Variants in PSG9 observed in about 807,000 individuals in gnomAD.
The protein encoded by PSG9 is pregnancy specific beta-1-glycoprotein 9, also known as pregnancy-specific beta-1-glycoprotein 9.
A neutral mutation model predicts 41.9 loss-of-function variants in PSG9; 49 were observed. The observed-to-expected ratio is 1.17, with a 90% CI of 0.93 to 1.48. The LOEUF (loss-of-function observed/expected upper bound fraction) is 1.48, where lower values mean the gene tolerates loss of function less well. PSG9 is among the 40% of genes most tolerant of loss of function. The pLI is 0.00. For missense variants in PSG9, 641 were observed against 520.3 expected (o/e 1.23, Z -2.26); for synonymous variants, 263 against 196.8 (o/e 1.34, Z -2.82).
Position 43,261,981 on chromosome 19 carries a change from G to A in PSG9, c.588C>T (p.Ser196=), listed in dbSNP as rs139088828. 1,155 of 1,614,006 alleles carry A rather than the reference G, an allele frequency of 7.2e-4. 12 individuals are homozygous for A. The highest frequency in any genetic ancestry group is 8.8e-4 in the Non-Finnish European group (1,035 of 1,179,930). Residue 196 remains serine, a synonymous_variant, in exon 3 of 6, where the codon TCC becomes TCT. Transcript: ENST00000270077. ...SLPVTHRLQL[S]KTNRTLYLFG... ...ATAGATAGAGGGTCCTGTTGGTTTT[G>A]GACAGCTGCAACCTGTGAGTCACAG...
intron 2 of PSG9, among the ~76,000 whole-genome samples, chr19:43,263,387 G>A (rs1168916451): frequency 6.6e-6 from 1 of 152,058 alleles, no homozygotes; most frequent in African/African-American, 2.4e-5. Context: ...TACTGGTTTA[G>A]CATCCCAAAT....
At chr19:43,257,865 A>C in intron 5 of PSG9, 1 of 1,380,474 alleles carries the variant, frequency 7.2e-7, no homozygotes, top group Non-Finnish European at 9.3e-7. Context: ...AAGACGTGGC[A>C]GAAGGGGATG....
chr19:43,264,233 G>T lies in PSG9; in HGVS notation c.431-2095C>A, dbSNP rs559987761. Among the ~76,000 whole-genome samples the T allele has an allele frequency of 5.3e-5, 8 of 152,158 alleles. No individual in the cohort carries two copies. In the South Asian group the frequency reaches 1.7e-3, roughly 32 times the overall value. ...GTATTCCCATTATGTGTATGTTACA[G>T]CCTTTGTAGTTGTCCCACAACTACA... On this transcript the variant is annotated intron_variant, in intron 2 of 5. Transcript: ENST00000270077.
At chr19:43,260,252 TCTG>T (rs1449603786) in intron 3 of PSG9, 2 of 124,424 alleles carry the variant, frequency 1.6e-5, no homozygotes, top group African/African-American at 6.7e-5. Context: ...GTTCTAGAGA[TCTG>T]CTGTAGAGCT....
intron 3 of PSG9, among the ~76,000 whole-genome samples, chr19:43,261,501 G>A (rs1968708843): frequency 6.6e-6 from 1 of 152,150 alleles, no homozygotes; most frequent in Admixed American, 6.5e-5. Context: ...TATTGTCAGA[G>A]GGAAGGGAAA....
intron 4 of PSG9, 147 bp downstream of exon 4, chr19:43,258,710 T>C (rs767526142): frequency 5.7e-6 from 8 of 1,403,908 alleles, no homozygotes; most frequent in Non-Finnish European, 7.6e-6. Context: ...CTACCCAGGT[T>C]TTCCCAGGGC....
rs778995499 is a variant in PSG9 at position 43,256,454 on chromosome 19, C to A, written c.1243+1748G>T. ...CAAATTATATGTGTGATAAGAAATT[C>A]ATTTCCAGAATACATGAAAAGCTAC... On this transcript the variant is annotated intron_variant, in intron 5 of 5. Transcript: ENST00000270077. Among the ~76,000 whole-genome samples the A allele has an allele frequency of 1.1e-3, 158 of 146,826 alleles. 17 individuals carry two copies. Among genetic ancestry groups the A allele is most frequent in the Non-Finnish European group, 1.7e-3 (116 of 67,394 alleles).
chr19:43,260,608 T>G (rs1306742335), intron 3 of PSG9: 1 of 146,772 alleles, frequency 6.8e-6, no homozygotes, highest in African/African-American at 2.6e-5. Context: ...AAAGGCTGAT[T>G]GCTATTTTCT....
intron 5 of PSG9, among the ~76,000 whole-genome samples, chr19:43,255,881 T>A (rs1008472876): frequency 2.7e-5 from 4 of 146,626 alleles, no homozygotes; most frequent in Non-Finnish European, 4.5e-5. Context: ...AAAGACATTT[T>A]GTTTTCATGA....
In PSG9 at chr19:43,269,380, G is replaced by C. The variant is rs8101191; in HGVS notation, c.52C>G (p.Leu18Val). Residue 18 changes from leucine to valine, a missense_variant, in exon 1 of 6, where the codon CTC becomes GTC. By Grantham distance (32) the Leu-to-Val change is conservative. Coordinates refer to ENST00000270077, the MANE Select transcript of PSG9 (RefSeq NM_002784.5). ...GTTCTCTCCTCACCTGTGAGCAGGAGCCCCTTCCAGGTGATGCGCTGTGTG... is the reference window on the plus strand; with the variant it reads ...GTTCTCTCCTCACCTGTGAGCAGGACCCCCTTCCAGGTGATGCGCTGTGTG... ...SCTQRITWKG[L>V]LLTASLLNFW... 133,123 of 1,612,818 alleles carry C rather than the reference G, an allele frequency of 0.083. 9,283 individuals carry two copies. Among genetic ancestry groups the C allele is most frequent in the East Asian group, 0.39 (17,502 of 44,774 alleles).
chr19:43,264,203 C>T (rs1968858873), intron 2 of PSG9, among the ~76,000 whole-genome samples: 1 of 152,036 alleles, frequency 6.6e-6, no homozygotes, highest in Non-Finnish European at 1.5e-5. Flanking sequence ...CCCCAAAAAC[C>T]ACCAGTATTC....
At chr19:43,262,165 C>T (rs1968754840) in intron 2 of PSG9, 27 bp from the exon 3 acceptor site, 19 of 1,601,356 alleles carry the variant, frequency 1.2e-5, no homozygotes, top group Non-Finnish European at 1.4e-5. Context: ...GAGAAGATTG[C>T]CCTGTGTGGC....
intron 3 of PSG9, among the ~76,000 whole-genome samples, chr19:43,261,602 G>C (rs542246467): frequency 6.6e-6 from 1 of 152,286 alleles, no homozygotes; most frequent in Admixed American, 6.5e-5. Flanking sequence ...CACTGATCTG[G>C]AGCCTGAGAC....
intron 3 of PSG9, 50 bp downstream of exon 3, chr19:43,261,810 T>C (rs772573198): frequency 1.2e-5 from 20 of 1,613,986 alleles, no homozygotes; most frequent in South Asian, 2.2e-5. Context: ...CCTCTGGCCA[T>C]GTGTATTTGG....
At chr19:43,260,416 A>G (rs1968655728) in intron 3 of PSG9, 1 of 147,948 alleles carries the variant, frequency 6.8e-6, no homozygotes, top group South Asian at 2.1e-4. Context: ...AAAATCTAAA[A>G]TGCTTCAGTG....
intron 3 of PSG9, among the ~76,000 whole-genome samples, chr19:43,261,114 C>A (rs1968690791): frequency 6.6e-6 from 1 of 151,838 alleles, no homozygotes; most frequent in Non-Finnish European, 1.5e-5. Flanking sequence ...TTTTATTTTC[C>A]CTCTCCCTTT....
chr19:43,263,309 T>G lies in PSG9; in HGVS notation c.431-1171A>C, dbSNP rs1480653364. The stretch of plus-strand genomic sequence containing the variant: ...TTCATACAGATAAAGTGCTCCTTAT[T>G]CAGAAAGCTTAAAACAAAGTGTTTT... On this transcript the variant is annotated intron_variant, in intron 2 of 5. Transcript: ENST00000270077. Among the ~76,000 whole-genome samples, 25 of 152,258 alleles carry G rather than the reference T, an allele frequency of 1.6e-4. No individual in the cohort carries two copies. The East Asian group carries it at 2.7e-3, about 16-fold the overall frequency.
chr19:43,257,368 C>T (rs1968479696), intron 5 of PSG9: 1 of 972,774 alleles, frequency 1.0e-6, no homozygotes, highest in South Asian at 4.8e-5. Context: ...GTCTTACCCT[C>T]TCTATAATTA....
rs3916689 is a variant in PSG9, at chr19:43,259,823, A to T, written c.710-688T>A. 793 of 147,924 alleles carry T rather than the reference A, an allele frequency of 5.4e-3. 59 individuals carry two copies. Among genetic ancestry groups the T allele is most frequent in the South Asian group, 0.014 (67 of 4,654 alleles). 9.2% of individuals were successfully genotyped at this position (147,924 alleles called of 1,614,324 possible). A position where few individuals can be genotyped will look rare whatever the true frequency, so the allele number is the denominator to read the frequency against. On this transcript the variant is annotated intron_variant, in intron 3 of 5. Transcript: ENST00000270077. ...GAATGATCTAGAAAGAGTGAAGGCG[A>T]CAGGCAAGAGCTGGTGGCTTTGGAG...
Sources: allele counts gnomAD v4.1 joint callset (sites outside exome capture counted in the v4.1 genomes callset), GRCh38; gene constraint gnomAD v4.1.1; transcripts MANE v1.5; gene names NCBI Gene and HGNC (gene_info 2026-07-23, HGNC 2026-07-21).